KCNQ4: variants seen among roughly 807,000 people sequenced by gnomAD.
KCNQ4 encodes potassium voltage-gated channel subfamily Q member 4.
Under a neutral mutation model 72.6 loss-of-function variants are expected in KCNQ4, and 31 were observed. The ratio of observed to expected loss-of-function variants is 0.43; its 90% CI spans 0.32 to 0.58. The LOEUF (loss-of-function observed/expected upper bound fraction) is 0.58, where lower values mean the gene tolerates loss of function less well. Among genes scored for constraint, KCNQ4 ranks in the 20% least tolerant of loss-of-function variants. KCNQ4 has a pLI of 0.08. For missense variants in KCNQ4, 869 were observed against 962.6 expected, an observed-to-expected ratio of 0.90 and a Z score of 1.29; for synonymous variants, 405 against 403.7, an observed-to-expected ratio of 1.00 and a Z score of -0.04.
intron 1 of KCNQ4, among the ~76,000 whole-genome samples, chr1:40,797,049 G>A (rs957076773): frequency 1.3e-5 from 2 of 152,232 alleles, no homozygotes; most frequent in African/African-American, 2.4e-5. Context: ...TCTAAATGAA[G>A]TTCAGCTGCT....
At chr1:40,793,370 C>G (rs1647327504) in intron 1 of KCNQ4, among the ~76,000 whole-genome samples, 1 of 152,148 alleles carries the variant, frequency 6.6e-6, no homozygotes, top group Non-Finnish European at 1.5e-5. Flanking sequence ...CAGCAAGCAG[C>G]TCTGCCTCCT....
Position 40,822,360 on chromosome 1 carries a change from C to T in KCNQ4, c.1088C>T (p.Thr363Ile). The change falls in exon 8 of 14, where the codon ACA becomes ATA. Residue 363 changes from threonine (T) to isoleucine (I), a missense_variant. Thr to Ile is a moderately conservative substitution (Grantham distance 89, BLOSUM62 -1). Around this residue, in one of 5 missense-constraint regions of KCNQ4, gnomAD observed 480 missense variants for 501.9 expected, o/e 0.96. Coordinates refer to ENST00000347132, the MANE Select transcript of KCNQ4 (RefSeq NM_004700.4). ...ACCGATATGAGCCGGGCCTACCTGA[C>T]AGCCACCTGGTACTACTATGACAGT... The part of the protein sequence containing the change: ...YSTDMSRAYL[T>I]ATWYYYDSIL... The T allele has an allele frequency of 6.2e-7, 1 of 1,612,904 alleles. No individual in the cohort carries two copies. The highest frequency in any genetic ancestry group is 1.1e-5 in the South Asian group (1 of 91,060).
rs899110212 is a variant in KCNQ4, at chr1:40,812,744, C to T, written c.315-4521C>T. 7.2e-5 allele frequency among the ~76,000 whole-genome samples: 11 copies of T among 152,282 alleles called. No homozygotes were observed. In the Middle Eastern group the frequency reaches 0.01, roughly 141 times the overall value. ...GTTACTTTTTAGGAAAGACATGGGG[C>T]AGCCAGAGGAGTCAGGGATGGATGT... On this transcript the variant is annotated intron_variant, in intron 1 of 13. Transcript: ENST00000347132.
At chr1:40,834,889 A>G in intron 11 of KCNQ4, 78 bp from the exon 12 acceptor site, 10 of 1,586,242 alleles carry the variant, frequency 6.3e-6, no homozygotes, top group Non-Finnish European at 8.6e-6. Context: ...ACAAGGGGAT[A>G]GCAAAGAGAT....
In KCNQ4 at chr1:40,824,919, G is replaced by A. The variant is rs900282339; in HGVS notation, c.1292+661G>A. 3.9e-5 allele frequency among the ~76,000 whole-genome samples: 6 copies of A among 152,292 alleles called. No homozygotes were observed. In the East Asian group the frequency reaches 5.8e-4, roughly 15 times the overall value. ...CTTCCTTACTGAGGTACACTTTGGC[G>A]CTCCCAGCCATCTCTTTCCCCTTGA... On this transcript the variant is annotated intron_variant, in intron 9 of 13. Transcript: ENST00000347132.
chr1:40,785,282 T>G (rs1319413423), intron 1 of KCNQ4, among the ~76,000 whole-genome samples: 1 of 152,170 alleles, frequency 6.6e-6, no homozygotes, highest in Non-Finnish European at 1.5e-5. Flanking sequence ...AGCTCAGTCT[T>G]GGGGTACGGC....
In KCNQ4 at chr1:40,820,221, C is replaced by T; in HGVS notation, c.1002C>T (p.His334=). The change falls in exon 7 of 14, where the codon CAC becomes CAT. Residue 334 remains histidine (H), a synonymous_variant. Coordinates refer to ENST00000347132, the MANE Select transcript of KCNQ4 (RefSeq NM_004700.4). The part of the protein sequence containing the change: ...LKVQEQHRQK[H]FEKRRMPAAN... ...TCCAGGAGCAGCACCGGCAGAAGCA[C>T]TTCGAGAAGCGGAGGATGCCGGCAG... 6.2e-7 allele frequency: 1 copy of T among 1,610,570 alleles called. No individual in the cohort carries two copies. The highest frequency in any genetic ancestry group is 8.5e-7 in the Non-Finnish European group (1 of 1,178,534).
In KCNQ4 at chr1:40,838,458, G is replaced by C. The variant is rs1202563907; in HGVS notation, c.2023G>C (p.Glu675Gln). 7 of 1,614,166 alleles carry C rather than the reference G, an allele frequency of 4.3e-6. No individual in the cohort carries two copies. The highest frequency in any genetic ancestry group is 5.9e-6 in the Non-Finnish European group (7 of 1,179,988). ...TSDYHSPVDH[E>Q]DISVSAQTLS... ...CGACTACCACAGCCCTGTGGACCAC[G>C]AGGACATCTCCGTCTCCGCACAGAC... Residue 675 changes from glutamate (E) to glutamine (Q), a missense_variant, in exon 14 of 14, where the codon GAG becomes CAG. Transcript: ENST00000347132.
chr1:40,830,472 A>G (rs1401072129), intron 9 of KCNQ4, among the ~76,000 whole-genome samples: 1 of 152,174 alleles, frequency 6.6e-6, no homozygotes, highest in Non-Finnish European at 1.5e-5. Flanking sequence ...TGGGGAGTGG[A>G]GGAAAATATG....
intron 1 of KCNQ4, among the ~76,000 whole-genome samples, chr1:40,787,778 C>T (rs933920427): frequency 2.0e-5 from 3 of 152,198 alleles, no homozygotes; most frequent in African/African-American, 2.4e-5. Flanking sequence ...AATACCACCT[C>T]GTGGCCCATC....
intron 11 of KCNQ4, 67 bp downstream of exon 11, chr1:40,833,180 G>A (rs1476810235): frequency 9.9e-6 from 12 of 1,209,350 alleles, no homozygotes; most frequent in South Asian, 7.4e-5. Flanking sequence ...CCATCTGGGC[G>A]GGTGGATCAC....
chr1:40,834,596 T>TAA (rs113990313), intron 11 of KCNQ4, among the ~76,000 whole-genome samples: 10 of 136,812 alleles, frequency 7.3e-5, no homozygotes, highest in South Asian at 4.7e-4. Context: ...AAATAAAAAT[T>TAA]AAAAAAAAAA....
rs115047669 is a variant in KCNQ4 at position 40,798,456 on chromosome 1, G to A, written c.314+14049G>A. Among the ~76,000 whole-genome samples, 845 of 152,300 alleles carry A rather than the reference G, an allele frequency of 5.5e-3. 7 individuals carry two copies. The highest frequency in any genetic ancestry group is 8.5e-3 in the Non-Finnish European group (581 of 68,028). ...GTTTTAGGCATGCTGGACCCATTGT[G>A]GGCTTTACTTATTGTTTGTTCAATG... On this transcript the variant is annotated intron_variant, in intron 1 of 13. Coordinates refer to ENST00000347132, the MANE Select transcript of KCNQ4 (RefSeq NM_004700.4).
intron 1 of KCNQ4, among the ~76,000 whole-genome samples, chr1:40,813,246 G>A (rs539289777): frequency 7.9e-5 from 12 of 152,198 alleles, no homozygotes; most frequent in Non-Finnish European, 1.3e-4. Context: ...CGAGAGTTTT[G>A]TGGAGAGCGA....
intron 8 of KCNQ4, among the ~76,000 whole-genome samples, chr1:40,823,075 G>A (rs975504077): frequency 6.6e-6 from 1 of 152,234 alleles, no homozygotes; most frequent in Admixed American, 6.5e-5. Context: ...CATCAAGCTT[G>A]TGGCTGGGGC....
At chr1:40,812,371 C>T (rs540811129) in intron 1 of KCNQ4, among the ~76,000 whole-genome samples, 32 of 152,306 alleles carry the variant, frequency 2.1e-4, no homozygotes, top group African/African-American at 7.5e-4. Flanking sequence ...ATCTTCCCAC[C>T]TCAGCCTCCC....
intron 5 of KCNQ4, 94 bp from the exon 6 acceptor site, chr1:40,819,776 CCCCTT>C (rs1648228300): frequency 2.9e-6 from 3 of 1,026,770 alleles, no homozygotes; most frequent in Non-Finnish European, 4.7e-6. Context: ...TGACCAGGGG[CCCCTT>C]CCCTCATGAT....
In KCNQ4 at chr1:40,799,692, C is replaced by T. The variant is rs375154339; in HGVS notation, c.314+15285C>T. Reference sequence around the variant, plus strand: ...GCCTGTCCCATTGGAGGCCCTAGGTCTTATTGATCAGAAACGTGCTCCCAA... The same window carrying T: ...GCCTGTCCCATTGGAGGCCCTAGGTTTTATTGATCAGAAACGTGCTCCCAA... On this transcript the variant is annotated intron_variant, in intron 1 of 13. Coordinates refer to ENST00000347132, the MANE Select transcript of KCNQ4 (RefSeq NM_004700.4). Among the ~76,000 whole-genome samples, 183 of 152,302 alleles carry T rather than the reference C, an allele frequency of 1.2e-3. 2 individuals are homozygous for T. The Middle Eastern group carries it at 0.024, about 20-fold the overall frequency.
At chr1:40,810,439 G>C (rs1332851729) in intron 1 of KCNQ4, among the ~76,000 whole-genome samples, 1 of 152,134 alleles carries the variant, frequency 6.6e-6, no homozygotes, top group South Asian at 2.1e-4. Flanking sequence ...TTAATTCCTT[G>C]GGACCTGGAT....
Sources: gnomAD v4.1 joint callset for allele counts (sites outside exome capture counted in the v4.1 genomes callset) on GRCh38, gnomAD v4.1.1 for gene constraint, gnomAD v4.1.1 regional missense constraint, MANE v1.5 for transcripts, NCBI Gene and HGNC (gene_info 2026-07-23, HGNC 2026-07-21) for gene names.